PPARGC1A: variants seen among roughly 807,000 people sequenced by gnomAD.
PPARGC1A encodes peroxisome proliferator-activated receptor gamma coactivator 1-alpha.
Under a neutral mutation model 88.7 loss-of-function variants are expected in PPARGC1A, and 25 were observed. The observed-to-expected ratio is 0.28, with a 90% CI of 0.21 to 0.39. PPARGC1A has a LOEUF of 0.39. PPARGC1A is among the 10% of genes least tolerant of loss of function. The pLI is 1.00. For synonymous variants in PPARGC1A, 363 were observed against 355.6 expected (o/e 1.02, Z -0.24); for missense variants, 880 against 968.7 (o/e 0.91, Z 1.22).
chr4:24,295,441 A>C, the PPARGC1A span, among the ~76,000 whole-genome samples: 1 of 152,152 alleles, frequency 6.6e-6, no homozygotes, highest in African/African-American at 2.4e-5. Flanking sequence ...TACAAAATTA[A>C]GGTAAAACAG....
At chr4:24,292,288 G>C in the PPARGC1A span, among the ~76,000 whole-genome samples, 1 of 152,076 alleles carries the variant, frequency 6.6e-6, no homozygotes, top group Non-Finnish European at 1.5e-5. Context: ...TTGATTATGT[G>C]GATCCTGGTC....
At chr4:24,263,456 TACACACAC>T in the PPARGC1A span, among the ~76,000 whole-genome samples, 59,857 of 150,102 alleles carry the variant, frequency 0.4, 13,514 homozygotes, top group Non-Finnish European at 0.51. Flanking sequence ...TGTGGGTGTA[TACACACAC>T]ACACACACAC....
chr4:24,189,899 A>G, the PPARGC1A span, among the ~76,000 whole-genome samples: 1 of 152,070 alleles, frequency 6.6e-6, no homozygotes, highest in African/African-American at 2.4e-5. Flanking sequence ...ATGTCCTGGC[A>G]TCCTCCTCCC....
chr4:23,975,177 C>A, the PPARGC1A span, among the ~76,000 whole-genome samples: 1 of 152,136 alleles, frequency 6.6e-6, no homozygotes, highest in Non-Finnish European at 1.5e-5. Context: ...GAATTGAAAT[C>A]TATCTTATTC....
chr4:24,024,854 T>A, the PPARGC1A span, among the ~76,000 whole-genome samples: 1 of 152,178 alleles, frequency 6.6e-6, no homozygotes, highest in Non-Finnish European at 1.5e-5. Flanking sequence ...ACAGCTAATA[T>A]AATATCAAGT....
the PPARGC1A span, among the ~76,000 whole-genome samples, chr4:24,128,507 G>A: frequency 6.6e-6 from 1 of 150,742 alleles, no homozygotes; most frequent in African/African-American, 2.4e-5. Context: ...TCCCAGGGCT[G>A]AAATCAACAT....
the PPARGC1A span, among the ~76,000 whole-genome samples, chr4:24,137,692 CA>C: frequency 4.6e-5 from 7 of 151,992 alleles, no homozygotes; most frequent in African/African-American, 1.7e-4. Context: ...TCGCTTCAAA[CA>C]AAAGGCTAGA....
the PPARGC1A span, among the ~76,000 whole-genome samples, chr4:24,011,857 T>C: frequency 1.3e-5 from 2 of 152,222 alleles, no homozygotes; most frequent in Non-Finnish European, 2.9e-5. Flanking sequence ...TGGAGGTTAC[T>C]GGTTTATGAA....
chr4:24,001,531 A>T, the PPARGC1A span, among the ~76,000 whole-genome samples: 1 of 152,188 alleles, frequency 6.6e-6, no homozygotes, highest in Non-Finnish European at 1.5e-5. Flanking sequence ...CTGACATCCC[A>T]GCAGAAATAG....
At chr4:24,355,180 A>G in the PPARGC1A span, among the ~76,000 whole-genome samples, 2 of 152,220 alleles carry the variant, frequency 1.3e-5, no homozygotes, top group Non-Finnish European at 2.9e-5. Context: ...GGAGTAGGAA[A>G]CAGGAACCAA....
the PPARGC1A span, among the ~76,000 whole-genome samples, chr4:24,314,056 A>G: frequency 6.6e-6 from 1 of 152,356 alleles, no homozygotes; most frequent in East Asian, 1.9e-4. Context: ...GCATGTGAAA[A>G]GTGTTTAAAG....
chr4:24,171,276 C>T, the PPARGC1A span, among the ~76,000 whole-genome samples: 2 of 152,066 alleles, frequency 1.3e-5, no homozygotes, highest in Admixed American at 6.5e-5. Context: ...CATGGTGGTG[C>T]GTACCTGTAC....
At chr4:24,191,381 G>A in the PPARGC1A span, among the ~76,000 whole-genome samples, 27 of 152,290 alleles carry the variant, frequency 1.8e-4, no homozygotes, top group Admixed American at 1.0e-3. Context: ...GAGGCGATTC[G>A]CAAAAGGTTA....
intron 2 of PPARGC1A, among the ~76,000 whole-genome samples, chr4:23,842,888 A>G (rs1021428652): frequency 2.0e-5 from 3 of 152,104 alleles, no homozygotes; most frequent in African/African-American, 4.8e-5. Context: ...TCTATGCTAG[A>G]TTTATTCTCT....
At chr4:24,262,078 A>C in the PPARGC1A span, among the ~76,000 whole-genome samples, 2 of 152,316 alleles carry the variant, frequency 1.3e-5, no homozygotes, top group African/African-American at 2.4e-5. Context: ...CAGGAGATGC[A>C]TGCCTAAGAC....
chr4:24,055,189 C>T, the PPARGC1A span, among the ~76,000 whole-genome samples: 29 of 152,318 alleles, frequency 1.9e-4, no homozygotes, highest in Middle Eastern at 3.4e-3. Context: ...GGTTCCAGCC[C>T]GTATCTGTGT....
At chr4:23,872,253 A>C (rs59565980) in intron 2 of PPARGC1A, among the ~76,000 whole-genome samples, 1 of 152,178 alleles carries the variant, frequency 6.6e-6, no homozygotes, top group Non-Finnish European at 1.5e-5. Flanking sequence ...AGACTTGCAC[A>C]CTGGTTAAAG....
At chr4:24,171,144 G>A in the PPARGC1A span, among the ~76,000 whole-genome samples, 135 of 152,178 alleles carry the variant, frequency 8.9e-4, no homozygotes, top group Non-Finnish European at 8.5e-4. Flanking sequence ...AGGCGCGGTG[G>A]CTCACGCCTG....
the PPARGC1A span, among the ~76,000 whole-genome samples, chr4:24,049,192 CTA>C: frequency 6.9e-6 from 1 of 145,614 alleles, no homozygotes; most frequent in Admixed American, 7.0e-5. Context: ...CTGTCTCTCT[CTA>C]TATATACACA....
Sources: gnomAD v4.1 joint callset for allele counts (sites outside exome capture counted in the v4.1 genomes callset) on GRCh38, gnomAD v4.1.1 for gene constraint, MANE v1.5 for transcripts, NCBI Gene and HGNC (gene_info 2026-07-23, HGNC 2026-07-21) for gene names.